TENM4: variants seen among roughly 807,000 people sequenced by gnomAD.
TENM4 encodes teneurin transmembrane protein 4, also known as teneurin-4.
Under a neutral mutation model 243.3 loss-of-function variants are expected in TENM4, and 82 were observed. The ratio of observed to expected loss-of-function variants is 0.34; its 90% CI spans 0.28 to 0.40. The LOEUF (loss-of-function observed/expected upper bound fraction) is 0.40, where lower values mean the gene tolerates loss of function less well. Among genes scored for constraint, TENM4 ranks in the 10% least tolerant of loss-of-function variants. TENM4 has a pLI of 1.00. For missense variants in TENM4, 3,138 were observed against 3,673.3 expected (o/e 0.85, Z 3.77); for synonymous variants, 1,412 against 1,456.3 (o/e 0.97, Z 0.69).
intron 6 of TENM4, among the ~76,000 whole-genome samples, chr11:78,943,997 C>T (rs1483642390): frequency 6.6e-6 from 1 of 152,222 alleles, no homozygotes; most frequent in African/African-American, 2.4e-5. Flanking sequence ...ACCTTGGGAG[C>T]ACTCATACTT....
chr11:78,688,611 T>C (rs1164938058), intron 28 of TENM4, among the ~76,000 whole-genome samples: 2 of 152,142 alleles, frequency 1.3e-5, no homozygotes, highest in East Asian at 3.9e-4. Flanking sequence ...CCAGAAATGA[T>C]GTAGTCAAGC....
chr11:79,228,366 C>G (rs140374642), intron 2 of TENM4, among the ~76,000 whole-genome samples: 158 of 152,278 alleles, frequency 1.0e-3, no homozygotes, highest in African/African-American at 3.6e-3. Context: ...AGACCAATGT[C>G]GCCCACAGGA....
intron 6 of TENM4, among the ~76,000 whole-genome samples, chr11:78,911,461 G>T (rs1856183891): frequency 6.6e-6 from 1 of 152,228 alleles, no homozygotes; most frequent in Non-Finnish European, 1.5e-5. Context: ...TTTGGCTAAT[G>T]GTGAGCACAG....
intron 28 of TENM4, among the ~76,000 whole-genome samples, chr11:78,700,628 T>C (rs780463398): frequency 2.6e-5 from 4 of 152,204 alleles, no homozygotes; most frequent in Non-Finnish European, 4.4e-5. Flanking sequence ...ACCCCAGATA[T>C]ATATATTTAA....
chr11:78,671,407 A>G (rs548899093), intron 31 of TENM4, among the ~76,000 whole-genome samples: 2 of 152,358 alleles, frequency 1.3e-5, no homozygotes, highest in African/African-American at 4.8e-5. Flanking sequence ...AGGGTCAGGA[A>G]ACAAAGCAGG....
chr11:78,811,583 C>T (rs1022072419), intron 14 of TENM4, among the ~76,000 whole-genome samples: 8 of 152,050 alleles, frequency 5.3e-5, no homozygotes, highest in African/African-American at 9.7e-5. Flanking sequence ...CACACACACA[C>T]ACACACACAC....
At chr11:79,004,577 C>T (rs1439708564) in intron 6 of TENM4, among the ~76,000 whole-genome samples, 1 of 152,080 alleles carries the variant, frequency 6.6e-6, no homozygotes, top group African/African-American at 2.4e-5. Flanking sequence ...AACAAAGATA[C>T]AACATATCAG....
At chr11:79,033,344 G>A (rs1470968422) in intron 6 of TENM4, among the ~76,000 whole-genome samples, 1 of 152,160 alleles carries the variant, frequency 6.6e-6, no homozygotes, top group Non-Finnish European at 1.5e-5. Context: ...AATGGGGTAT[G>A]TGTGCTGGGA....
At chr11:78,955,709 C>T (rs952555588) in intron 6 of TENM4, among the ~76,000 whole-genome samples, 1 of 152,150 alleles carries the variant, frequency 6.6e-6, no homozygotes, top group South Asian at 2.1e-4. Context: ...TAATTCAAAA[C>T]GTGACCTGTT....
intron 6 of TENM4, among the ~76,000 whole-genome samples, chr11:78,948,265 A>T (rs910732270): frequency 6.6e-6 from 1 of 152,222 alleles, no homozygotes; most frequent in Non-Finnish European, 1.5e-5. Context: ...TCTCCTAAGA[A>T]TAAGAGCATT....
chr11:78,770,993 T>C lies in TENM4; in HGVS notation c.2538A>G (p.Gly846=). 1 of 1,581,916 alleles carries C rather than the reference T, an allele frequency of 6.3e-7. No homozygotes were observed. Among genetic ancestry groups the C allele is most frequent in the Non-Finnish European group, 8.6e-7 (1 of 1,163,822 alleles). The change falls in exon 18 of 34, where the codon GGA becomes GGG. Residue 846 remains glycine (G), a splice_region_variant and synonymous_variant. Coordinates refer to ENST00000278550, the MANE Select transcript of TENM4 (RefSeq NM_001098816.3). The part of the protein sequence containing the change: ...TACGDSKDND[G]DGLVDCMDPD... ...AGCCCATGGGTGCCAGAGCCCTACC[T>C]CCATCATTGTCTTTGCTGTCACCGC...
intron 6 of TENM4, among the ~76,000 whole-genome samples, chr11:79,027,693 G>A (rs1481887022): frequency 6.6e-6 from 1 of 152,034 alleles, no homozygotes; most frequent in Non-Finnish European, 1.5e-5. Context: ...TTCTTCTCTG[G>A]CCTTCTGTGA....
chr11:78,856,237 G>C (rs1212420676), intron 10 of TENM4, 59 bp from the exon 11 acceptor site: 2 of 1,465,362 alleles, frequency 1.4e-6, no homozygotes, highest in Non-Finnish European at 1.9e-6. Flanking sequence ...TGGGAAACGA[G>C]AAACCAGGGC....
chr11:79,362,374 G>A (rs910509394), intron 1 of TENM4, among the ~76,000 whole-genome samples: 4 of 152,136 alleles, frequency 2.6e-5, no homozygotes, highest in Non-Finnish European at 4.4e-5. Flanking sequence ...AATAGGTACT[G>A]TATACACGGA....
At chr11:79,342,977 A>G (rs1276712533) in intron 1 of TENM4, among the ~76,000 whole-genome samples, 1 of 152,188 alleles carries the variant, frequency 6.6e-6, no homozygotes, top group Admixed American at 6.5e-5. Context: ...AGTCCACCAC[A>G]TTCATTTTTC....
chr11:79,245,127 T>C (rs1266220532), intron 2 of TENM4, among the ~76,000 whole-genome samples: 2 of 152,216 alleles, frequency 1.3e-5, no homozygotes, highest in Non-Finnish European at 2.9e-5. Flanking sequence ...CTGAATCTTC[T>C]GAGCTGACTG....
intron 1 of TENM4, among the ~76,000 whole-genome samples, chr11:79,398,464 C>T (rs149583423): frequency 1.6e-3 from 248 of 152,232 alleles, no homozygotes; most frequent in African/African-American, 5.9e-3. Flanking sequence ...TCTAACCTCT[C>T]TATGCTTTGG....
At position 78,658,471 on chromosome 11, in the gene TENM4, C is replaced by A. The variant is rs754035363; in HGVS notation, c.7897G>T (p.Gly2633Cys). 1.9e-6 allele frequency: 3 copies of A among 1,614,042 alleles called. No individual in the cohort carries two copies. The highest frequency in any genetic ancestry group is 2.5e-6 in the Non-Finnish European group (3 of 1,179,898). Residue 2633 changes from glycine (G) to cysteine (C), a missense_variant, in exon 34 of 34, where the codon GGC becomes TGC. Physicochemically the swap from Gly to Cys is radical, Grantham distance 159. Transcript: ENST00000278550. Reference sequence around the variant, plus strand: ...AGGGTTCGCCGCCCCCCACTGAGGCCCAGGATGGCCAGGTCACCTTCTGAA... The same window carrying A: ...AGGGTTCGCCGCCCCCCACTGAGGCACAGGATGGCCAGGTCACCTTCTGAA... ...GPSEGDLAILGLSGGRRTLEN... is the reference protein window; with the variant it reads ...GPSEGDLAILCLSGGRRTLEN...
intron 29 of TENM4, among the ~76,000 whole-genome samples, chr11:78,687,364 G>GGAGCTTTGTA (rs1445266342): frequency 3.9e-5 from 6 of 152,202 alleles, no homozygotes; most frequent in Admixed American, 2.0e-4. Context: ...TCGTGTGAAA[G>GGAGCTTTGTA]CCTTTGGAGG....
Sources: gnomAD v4.1 joint callset for allele counts (sites outside exome capture counted in the v4.1 genomes callset) on GRCh38, gnomAD v4.1.1 for gene constraint, MANE v1.5 for transcripts, NCBI Gene and HGNC (gene_info 2026-07-23, HGNC 2026-07-21) for gene names.